RGS8: variants seen among roughly 807,000 people sequenced by gnomAD.
The protein encoded by RGS8 is regulator of G protein signaling 8, also known as regulator of G-protein signaling 8.
In RGS8, 8 loss-of-function variants were observed where a neutral mutation model predicts 21.7. That is an observed-to-expected ratio of 0.37 (90% CI 0.22 to 0.66). RGS8 has a LOEUF of 0.66. Among genes scored for constraint, RGS8 ranks in the 30% least tolerant of loss-of-function variants. The pLI, the probability that RGS8 is intolerant of heterozygous loss-of-function variation, is 0.59. For missense variants in RGS8, 157 were observed against 217.9 expected, an observed-to-expected ratio of 0.72 and a Z score of 1.76; for synonymous variants, 80 against 83.6, an observed-to-expected ratio of 0.96 and a Z score of 0.24.
At chr1:182,692,571 G>A in the RGS8 span, among the ~76,000 whole-genome samples, 1 of 149,178 alleles carries the variant, frequency 6.7e-6, no homozygotes, top group Non-Finnish European at 1.5e-5. Context: ...CAGATTCAGT[G>A]CTATACCTAT....
At chr1:182,663,115 T>C (rs1196076423) in intron 5 of RGS8, among the ~76,000 whole-genome samples, 1 of 152,218 alleles carries the variant, frequency 6.6e-6, no homozygotes, top group Non-Finnish European at 1.5e-5. Flanking sequence ...TTAGGACATG[T>C]TATTGTCTTA....
At chr1:182,697,261 T>TG in the RGS8 span, among the ~76,000 whole-genome samples, 1 of 152,250 alleles carries the variant, frequency 6.6e-6, no homozygotes, top group Non-Finnish European at 1.5e-5. Context: ...TCTTGGTACT[T>TG]GAATTTATTT....
the RGS8 span, among the ~76,000 whole-genome samples, chr1:182,704,003 T>G: frequency 6.6e-6 from 1 of 152,252 alleles, no homozygotes; most frequent in Non-Finnish European, 1.5e-5. Flanking sequence ...GTTTGACTTC[T>G]TAGAGAGGCA....
At chr1:182,670,559 A>G (rs1557897337) in intron 2 of RGS8, among the ~76,000 whole-genome samples, 1 of 152,210 alleles carries the variant, frequency 6.6e-6, no homozygotes, top group Non-Finnish European at 1.5e-5. Flanking sequence ...AGAGCAGCCT[A>G]TCCATAAAGG....
the RGS8 span, among the ~76,000 whole-genome samples, chr1:182,725,550 A>G: frequency 1.3e-5 from 2 of 152,130 alleles, no homozygotes; most frequent in Non-Finnish European, 2.9e-5. Context: ...AATGAGGATG[A>G]GTGATGGGCC....
At chr1:182,654,272 A>T (rs1485255137) in intron 5 of RGS8, among the ~76,000 whole-genome samples, 1 of 152,200 alleles carries the variant, frequency 6.6e-6, no homozygotes, top group African/African-American at 2.4e-5. Flanking sequence ...GGAGATTAAA[A>T]GAAGCAAAAG....
At chr1:182,682,848 C>T (rs1448816515) in intron 1 of RGS8, among the ~76,000 whole-genome samples, 1 of 152,196 alleles carries the variant, frequency 6.6e-6, no homozygotes, top group Non-Finnish European at 1.5e-5. Context: ...CATCCACACT[C>T]TTGCTCTGTC....
upstream of RGS8, among the ~76,000 whole-genome samples, chr1:182,673,514 G>C (rs575015920): frequency 4.6e-5 from 7 of 152,076 alleles, no homozygotes; most frequent in South Asian, 1.5e-3. Context: ...GAATTCTCTC[G>C]GTGAAATGAT....
At chr1:182,695,670 T>A in the RGS8 span, among the ~76,000 whole-genome samples, 155 of 152,266 alleles carry the variant, frequency 1.0e-3, 1 homozygote, top group African/African-American at 3.4e-3. Flanking sequence ...CAACCCAGGC[T>A]AATACCTGAT....
chr1:182,722,079 G>A, the RGS8 span, among the ~76,000 whole-genome samples: 1 of 152,152 alleles, frequency 6.6e-6, no homozygotes, highest in Admixed American at 6.5e-5. Flanking sequence ...ATGAAGCTCT[G>A]TGCTTTACAT....
intron 2 of RGS8, among the ~76,000 whole-genome samples, chr1:182,670,915 C>G (rs1030686670): frequency 6.6e-6 from 1 of 152,134 alleles, no homozygotes; most frequent in Non-Finnish European, 1.5e-5. Flanking sequence ...GCAGCTGTGC[C>G]GGTCCCTAGA....
At chr1:182,649,926 TG>T (rs1324146651) in intron 5 of RGS8, among the ~76,000 whole-genome samples, 1 of 141,634 alleles carries the variant, frequency 7.1e-6, no homozygotes, top group African/African-American at 2.8e-5. Context: ...TTTTTTTGGG[TG>T]GGGGGCATGG....
the RGS8 span, among the ~76,000 whole-genome samples, chr1:182,711,683 C>A: frequency 1.3e-5 from 2 of 152,118 alleles, no homozygotes; most frequent in Non-Finnish European, 2.9e-5. Context: ...CTGGCATCAC[C>A]CTAACCTTTG....
At chr1:182,704,580 T>C in the RGS8 span, among the ~76,000 whole-genome samples, 2 of 152,206 alleles carry the variant, frequency 1.3e-5, no homozygotes, top group African/African-American at 4.8e-5. Context: ...TCCACAGTAC[T>C]AACCCTTCCC....
the RGS8 span, among the ~76,000 whole-genome samples, chr1:182,719,238 CCTTT>C: frequency 6.6e-6 from 1 of 152,238 alleles, no homozygotes; most frequent in Admixed American, 6.5e-5. Flanking sequence ...GCTCATTCTT[CCTTT>C]ATCACAGAAA....
At chr1:182,677,278 G>A (rs57353436), upstream of RGS8, among the ~76,000 whole-genome samples, 3,791 of 152,242 alleles carry the variant, frequency 0.025, 84 homozygotes, top group African/African-American at 0.051. Context: ...TCATAGTCTC[G>A]TTATAAGGAT....
At chr1:182,751,969 C>T in the RGS8 span, among the ~76,000 whole-genome samples, 1 of 152,286 alleles carries the variant, frequency 6.6e-6, no homozygotes, top group South Asian at 2.1e-4. Flanking sequence ...TCCAGTTCCT[C>T]ACAGGCGCCG....
the RGS8 span, among the ~76,000 whole-genome samples, chr1:182,741,303 G>GC: frequency 2.5e-4 from 3 of 12,224 alleles, no homozygotes; most frequent in East Asian, 3.2e-3. Context: ...GGCTGGCCGG[G>GC]TGGGGGGCTG....
At chr1:182,745,611 G>A in the RGS8 span, among the ~76,000 whole-genome samples, 1 of 152,172 alleles carries the variant, frequency 6.6e-6, no homozygotes, top group African/African-American at 2.4e-5. Flanking sequence ...TTAAATCAGT[G>A]AGATTCTACT....
Sources: allele counts gnomAD v4.1 joint callset (sites outside exome capture counted in the v4.1 genomes callset), GRCh38; gene constraint gnomAD v4.1.1; transcripts MANE v1.5; gene names NCBI Gene and HGNC (gene_info 2026-07-23, HGNC 2026-07-21).